LASP1: variants seen among roughly 807,000 people sequenced by gnomAD.
LASP1 encodes the protein LIM and SH3 domain protein 1.
A neutral mutation model predicts 38.6 loss-of-function variants in LASP1; 10 were observed. The observed-to-expected ratio is 0.26, with a 90% CI of 0.16 to 0.44. LASP1 has a LOEUF of 0.44. LASP1 is among the 20% of genes least tolerant of loss of function. The pLI is 1.00. For missense variants in LASP1, 243 were observed against 375.7 expected, an observed-to-expected ratio of 0.65 and a Z score of 2.92; for synonymous variants, 132 against 140.8, an observed-to-expected ratio of 0.94 and a Z score of 0.44.
intron 4 of LASP1, among the ~76,000 whole-genome samples, chr17:38,899,540 G>A (rs551353323): frequency 6.8e-4 from 103 of 152,282 alleles, no homozygotes; most frequent in African/African-American, 2.4e-3. Context: ...CTGCAGTGGT[G>A]GGTCAGGTGG....
Position 38,918,554 on chromosome 17 carries a change from C to G in LASP1, c.613-51C>G, listed in dbSNP as rs990052500. The G allele has an allele frequency of 4.6e-6, 7 of 1,524,406 alleles. No homozygotes were observed. The highest frequency in any genetic ancestry group is 1.4e-5 in the African/African-American group (1 of 72,624). The allele number at this position is 1,524,406 out of a possible 1,614,324, so 94.4% of individuals were successfully genotyped here. A position where few individuals can be genotyped will look rare whatever the true frequency, so the allele number is the denominator to read the frequency against. On this transcript the variant is annotated intron_variant, in intron 6 of 6. Transcript: ENST00000318008. This position sits in a 1 kb window ranked among gnomAD's most constrained non-coding sequence, Gnocchi z 4.4. ...GGAGAGTTAGAAAAAAATGCTCAGA[C>G]CCAGGTGAGCCGGCATGCAGGGCCC...
chr17:38,914,494 G>C lies in LASP1; in HGVS notation c.508+19G>C. 17 of 1,578,418 alleles carry C rather than the reference G, an allele frequency of 1.1e-5. No individual in the cohort carries two copies. The highest frequency in any genetic ancestry group is 1.4e-5 in the Non-Finnish European group (16 of 1,162,146). On this transcript the variant is annotated intron_variant, in intron 5 of 6. Coordinates refer to ENST00000318008, the MANE Select transcript of LASP1 (RefSeq NM_006148.4). ...GCCCCGGGTGAGTGCAGGTCCTGTT[G>C]GTGCAGATGACCTGAGGCGAGGCCA...
At chr17:38,913,687 G>A (rs1400518704) in intron 4 of LASP1, among the ~76,000 whole-genome samples, 4 of 152,176 alleles carry the variant, frequency 2.6e-5, no homozygotes, top group East Asian at 1.9e-4. Flanking sequence ...GAGCAGCCCC[G>A]CCCCTGCCGC....
At chr17:38,876,610 T>A (rs1913785135) in intron 1 of LASP1, among the ~76,000 whole-genome samples, 1 of 152,098 alleles carries the variant, frequency 6.6e-6, no homozygotes, top group Admixed American at 6.5e-5. Context: ...GTAATCCGCC[T>A]GCCACAGCCT....
At chr17:38,885,753 G>A (rs3785461) in intron 2 of LASP1, among the ~76,000 whole-genome samples, 55,026 of 152,072 alleles carry the variant, frequency 0.36, 10,544 homozygotes, top group African/African-American at 0.48. Flanking sequence ...ATGTTGGCAT[G>A]CACACATTTC....
chr17:38,882,911 C>T (rs981526966), intron 2 of LASP1, among the ~76,000 whole-genome samples: 3 of 152,142 alleles, frequency 2.0e-5, no homozygotes, highest in Admixed American at 1.3e-4. Flanking sequence ...GGTTCATTCT[C>T]CAGTTTCCTT....
At position 38,887,128 on chromosome 17, in the gene LASP1, C is replaced by T. The variant is rs560231586; in HGVS notation, c.165-3292C>T. On this transcript the variant is annotated intron_variant, in intron 2 of 6. Transcript: ENST00000318008. ...ATGTGTTTGCCCTGCTTGCCTCTAG[C>T]CCTCCCCATCAAATGCTAACCAGCC... Among the ~76,000 whole-genome samples the T allele has an allele frequency of 2.0e-5, 3 of 152,252 alleles. No homozygotes were observed. The East Asian group carries it at 5.8e-4, about 29-fold the overall frequency.
intron 5 of LASP1, 200 bp from the exon 6 acceptor site, chr17:38,914,843 C>T (rs1178294109): frequency 3.3e-6 from 2 of 607,744 alleles, no homozygotes; most frequent in Non-Finnish European, 5.9e-6. Flanking sequence ...GGAGAGGCCC[C>T]CAGGTCATGG....
chr17:38,891,638 C>T (rs968560655), intron 3 of LASP1, among the ~76,000 whole-genome samples: 1 of 152,176 alleles, frequency 6.6e-6, no homozygotes, highest in East Asian at 1.9e-4. Context: ...GTTTAATCCT[C>T]ACCCAGCCCT....
intron 2 of LASP1, among the ~76,000 whole-genome samples, chr17:38,880,282 T>C (rs1913905106): frequency 6.6e-6 from 1 of 152,230 alleles, no homozygotes; most frequent in Non-Finnish European, 1.5e-5. Context: ...AATCAGAGGC[T>C]TGTCCTTGTT....
chr17:38,917,482 C>T (rs1392571502), intron 6 of LASP1, among the ~76,000 whole-genome samples: 1 of 151,810 alleles, frequency 6.6e-6, no homozygotes, highest in Non-Finnish European at 1.5e-5. Context: ...CTGAACATTA[C>T]CTAGATCTAG....
At chr17:38,914,914 C>G (rs1915071511) in intron 5 of LASP1, 129 bp from the exon 6 acceptor site, 1 of 820,094 alleles carries the variant, frequency 1.2e-6, no homozygotes, top group Non-Finnish European at 2.0e-6. Context: ...GGACATCAGC[C>G]TTTGAGCTGT....
At chr17:38,893,379 C>T (rs1914397169) in intron 3 of LASP1, among the ~76,000 whole-genome samples, 1 of 152,196 alleles carries the variant, frequency 6.6e-6, no homozygotes, top group Admixed American at 6.5e-5. Context: ...TTTGACTCCC[C>T]CGTGATTCTG....
In LASP1 at chr17:38,905,620, A is replaced by G. The variant is rs970019347; in HGVS notation, c.357+7101A>G. Among the ~76,000 whole-genome samples, 98 of 150,678 alleles carry G rather than the reference A, an allele frequency of 6.5e-4. 1 individual carries two copies. Among genetic ancestry groups the G allele is most frequent in the Non-Finnish European group, 1.5e-4 (10 of 67,886 alleles). On this transcript the variant is annotated intron_variant, in intron 4 of 6. Transcript: ENST00000318008. ...AGTGGCTGCACTGATTTACCCTCCC[A>G]CCAGCAGAGATGAGTTTCATTTGCT...
At chr17:38,907,125 A>G (rs1211518076) in intron 4 of LASP1, among the ~76,000 whole-genome samples, 1 of 152,166 alleles carries the variant, frequency 6.6e-6, no homozygotes, top group Non-Finnish European at 1.5e-5. Flanking sequence ...TGGGTCAGGA[A>G]AGTAATAACA....
intron 6 of LASP1, chr17:38,915,606 C>G (rs1475571896): frequency 6.5e-6 from 1 of 153,084 alleles, no homozygotes; most frequent in African/African-American, 2.4e-5. Context: ...CTTCAGAGCA[C>G]TTTTTCCAAC....
At chr17:38,912,745 G>A (rs958660906) in intron 4 of LASP1, among the ~76,000 whole-genome samples, 4 of 152,176 alleles carry the variant, frequency 2.6e-5, no homozygotes, top group African/African-American at 4.8e-5. Context: ...CACCGAGGCC[G>A]GTGTTCTCGT....
Position 38,890,121 on chromosome 17 carries a change from G to A in LASP1, c.165-299G>A, listed in dbSNP as rs1914261565. The A allele has an allele frequency of 1.1e-5, 4 of 347,874 alleles. No individual in the cohort carries two copies. In the East Asian group the frequency reaches 2.1e-4, roughly 18 times the overall value. 21.5% of individuals were successfully genotyped at this position (347,874 alleles called of 1,614,324 possible). A position where few individuals can be genotyped will look rare whatever the true frequency, so the allele number is the denominator to read the frequency against. On this transcript the variant is annotated intron_variant, in intron 2 of 6. Transcript: ENST00000318008. ...AGGCATGGATTATCCCCAAACAAGG[G>A]TAACCTTCAACCCTCAGAGAGTGGC...
chr17:38,914,532 G>C, intron 5 of LASP1, 57 bp downstream of exon 5: 1 of 1,533,328 alleles, frequency 6.5e-7, no homozygotes, highest in Admixed American at 2.0e-5. Flanking sequence ...GGGGTGGGGA[G>C]GAAGCCAGGA....
Sources: allele counts gnomAD v4.1 joint callset (sites outside exome capture counted in the v4.1 genomes callset), GRCh38; gene constraint gnomAD v4.1.1; non-coding constraint Gnocchi (gnomAD v3.1); transcripts MANE v1.5; gene names NCBI Gene and HGNC (gene_info 2026-07-23, HGNC 2026-07-21).